The following PHLPP1 variants were observed in gnomAD, a reference collection of about 807,000 sequenced individuals.
The protein encoded by PHLPP1 is PH domain and leucine rich repeat protein phosphatase 1, also known as PH domain leucine-rich repeat-containing protein phosphatase 1.
PHLPP1 carries 42 observed loss-of-function variants against 117.2 expected under a neutral mutation model. The ratio of observed to expected loss-of-function variants is 0.36; its 90% CI spans 0.28 to 0.46. PHLPP1 has a LOEUF of 0.46. Among genes scored for constraint, PHLPP1 ranks in the 20% least tolerant of loss-of-function variants. PHLPP1 has a pLI of 1.00. For synonymous variants in PHLPP1, 1,042 were observed against 970.7 expected, an observed-to-expected ratio of 1.07 and a Z score of -1.37; for missense variants, 2,084 against 2,241.9, an observed-to-expected ratio of 0.93 and a Z score of 1.42.
chr18:62,734,474 T>A (rs1254680233), intron 1 of PHLPP1, among the ~76,000 whole-genome samples: 6 of 152,254 alleles, frequency 3.9e-5, no homozygotes, highest in Non-Finnish European at 1.5e-5. Flanking sequence ...TCTTTACTAA[T>A]GACCTATTAT....
At position 62,715,794 on chromosome 18, in the gene PHLPP1, C is replaced by A. The variant is rs962823841; in HGVS notation, c.111C>A (p.Ala37=). 1.4e-6 allele frequency: 1 copy of A among 704,158 alleles called. No individual in the cohort carries two copies. The highest frequency in any genetic ancestry group is 1.8e-6 in the Non-Finnish European group (1 of 569,502). The allele number at this position is 704,158 out of a possible 1,614,324, so 43.6% of individuals were successfully genotyped here. The change falls in exon 1 of 17, where the codon GCC becomes GCA. Residue 37 remains alanine (A), a synonymous_variant. Coordinates refer to ENST00000262719, the MANE Select transcript of PHLPP1 (RefSeq NM_194449.4). ...AAAAAAAAAA[A]AAALAAAAGG... is the part of the protein sequence containing the mutation. ...CGGCAGCAGCAGCAGCAGCGGCGGC[C>A]GCGGCGGCTCTGGCGGCGGCGGCCG...
chr18:62,942,937 T>C (rs989528600), intron 11 of PHLPP1, among the ~76,000 whole-genome samples: 1 of 152,206 alleles, frequency 6.6e-6, no homozygotes, highest in Non-Finnish European at 1.5e-5. Flanking sequence ...TCATTTGATA[T>C]TAATAATTAA....
chr18:62,887,012 A>C (rs1916302092), intron 4 of PHLPP1, among the ~76,000 whole-genome samples: 1 of 152,144 alleles, frequency 6.6e-6, no homozygotes. Flanking sequence ...AATTGGTTTG[A>C]AGGTAAATAT....
In PHLPP1 at chr18:62,838,898, C is replaced by G; in HGVS notation, c.1888C>G (p.Gln630Glu). 6.2e-7 allele frequency: 1 copy of G among 1,613,844 alleles called. No homozygotes were observed. Among genetic ancestry groups the G allele is most frequent in the Non-Finnish European group, 8.5e-7 (1 of 1,179,812 alleles). The change falls in exon 3 of 17, where the codon CAA becomes GAA. Residue 630 changes from glutamine (Q) to glutamate (E), a missense_variant. Gln to Glu is a conservative substitution (Grantham distance 29). Coordinates refer to ENST00000262719, the MANE Select transcript of PHLPP1 (RefSeq NM_194449.4). ...TFTEYLRWLRQVSKVASQRIS... is the reference protein window; with the variant it reads ...TFTEYLRWLREVSKVASQRIS... ...CACAGAATACTTAAGGTGGCTGCGA[C>G]AAGTCTCCAAGGTAAGCAAGCACTT...
At chr18:62,876,282 C>T (rs1648261723) in intron 4 of PHLPP1, among the ~76,000 whole-genome samples, 2 of 152,176 alleles carry the variant, frequency 1.3e-5, no homozygotes, top group South Asian at 2.1e-4. Context: ...TCTCTTGCCA[C>T]TCATCTTGCA....
At chr18:62,789,102 G>A (rs1913384122) in intron 1 of PHLPP1, among the ~76,000 whole-genome samples, 1 of 152,130 alleles carries the variant, frequency 6.6e-6, no homozygotes, top group Non-Finnish European at 1.5e-5. Context: ...AACCAGGCAG[G>A]GAGAACCACA....
At chr18:62,915,239 A>G (rs1319875935) in intron 9 of PHLPP1, among the ~76,000 whole-genome samples, 1 of 152,228 alleles carries the variant, frequency 6.6e-6, no homozygotes, top group Non-Finnish European at 1.5e-5. Flanking sequence ...CCATGCAGGC[A>G]GTGGTGCTTG....
chr18:62,919,044 G>T lies in PHLPP1; in HGVS notation c.2805-915G>T, dbSNP rs1232956200. ...TCAGAATGGTGGAAAACAGGAGGTG[G>T]ATGAGGAAGCCTCATTCTTTGACAG... is the stretch of plus-strand genomic sequence containing the variant. On this transcript the variant is annotated intron_variant, in intron 9 of 16. Transcript: ENST00000262719. Among the ~76,000 whole-genome samples, 3 of 152,128 alleles carry T rather than the reference G, an allele frequency of 2.0e-5. No individual in the cohort carries two copies. The South Asian group carries it at 6.2e-4, about 32-fold the overall frequency.
chr18:62,968,529 CTTTTTTTTTTTTTTT>C (rs34849907), intron 14 of PHLPP1, among the ~76,000 whole-genome samples: 9 of 51,774 alleles, frequency 1.7e-4, no homozygotes, highest in African/African-American at 7.0e-4. Context: ...CATTATTAGG[CTTTTTTTTTTTTTTT>C]TTTTTTTTTT....
chr18:62,913,067 A>T (rs149719375), intron 8 of PHLPP1, among the ~76,000 whole-genome samples: 2 of 152,310 alleles, frequency 1.3e-5, no homozygotes, highest in Non-Finnish European at 2.9e-5. Context: ...CTCTTAAATG[A>T]TAATTCATCT....
At position 62,729,209 on chromosome 18, in the gene PHLPP1, T is replaced by C. The variant is rs143488868; in HGVS notation, c.1576+11950T>C. 2.5e-3 allele frequency among the ~76,000 whole-genome samples: 377 copies of C among 152,344 alleles called. 6 individuals are homozygous for C. Among genetic ancestry groups the C allele is most frequent in the Non-Finnish European group, 1.1e-3 (72 of 68,030 alleles). On this transcript the variant is annotated intron_variant, in intron 1 of 16. Transcript: ENST00000262719. ...GACCAATTCTTAGTTATTATATAAA[T>C]GACTGCAAGACACAAATGGTACTGC... is the stretch of plus-strand genomic sequence containing the variant.
At chr18:62,801,374 A>C (rs1223647131) in intron 1 of PHLPP1, among the ~76,000 whole-genome samples, 1 of 151,566 alleles carries the variant, frequency 6.6e-6, no homozygotes, top group African/African-American at 2.4e-5. Flanking sequence ...CTGAGTAATT[A>C]ATTTTTAATT....
At chr18:62,773,191 T>C (rs745680546) in intron 1 of PHLPP1, among the ~76,000 whole-genome samples, 19 of 152,306 alleles carry the variant, frequency 1.2e-4, no homozygotes, top group Middle Eastern at 3.4e-3. Context: ...CTGAATTGGA[T>C]CTACTCTAAG....
chr18:62,727,047 G>T (rs1457596769), intron 1 of PHLPP1, among the ~76,000 whole-genome samples: 1 of 150,942 alleles, frequency 6.6e-6, no homozygotes, highest in East Asian at 2.0e-4. Flanking sequence ...GACCAACATG[G>T]TGAAACCCCA....
At chr18:62,902,803 T>G (rs1230795898) in intron 6 of PHLPP1, among the ~76,000 whole-genome samples, 161 bp from the exon 7 acceptor site, 1 of 152,226 alleles carries the variant, frequency 6.6e-6, no homozygotes, top group African/African-American at 2.4e-5. Flanking sequence ...AAATAGATAC[T>G]CTGGCTAGTT....
chr18:62,877,758 C>A (rs1271883392), intron 4 of PHLPP1, among the ~76,000 whole-genome samples: 2 of 152,186 alleles, frequency 1.3e-5, no homozygotes, highest in Non-Finnish European at 2.9e-5. Context: ...CAAAGCAGAG[C>A]CGGCAGGTGG....
chr18:62,919,613 G>A (rs773133253), intron 9 of PHLPP1, among the ~76,000 whole-genome samples: 37 of 152,192 alleles, frequency 2.4e-4, no homozygotes, highest in Non-Finnish European at 5.9e-5. Context: ...AAAGCACCCA[G>A]CATTCTGGGA....
chr18:62,868,712 T>A (rs946922534), intron 4 of PHLPP1, among the ~76,000 whole-genome samples: 1 of 152,172 alleles, frequency 6.6e-6, no homozygotes, highest in Non-Finnish European at 1.5e-5. Flanking sequence ...TTGTTTTCAG[T>A]GACATTTATT....
chr18:62,945,373 C>T, intron 12 of PHLPP1, 102 bp downstream of exon 12: 1 of 949,398 alleles, frequency 1.1e-6, no homozygotes, highest in Non-Finnish European at 1.5e-6. Context: ...TGGATTTATT[C>T]AGAATGAAGG....
Sources: allele counts gnomAD v4.1 joint callset (sites outside exome capture counted in the v4.1 genomes callset), GRCh38; gene constraint gnomAD v4.1.1; transcripts MANE v1.5; gene names NCBI Gene and HGNC (gene_info 2026-07-23, HGNC 2026-07-21).